RIMS2: variants seen among roughly 807,000 people sequenced by gnomAD.
The protein encoded by RIMS2 is regulating synaptic membrane exocytosis protein 2.
A neutral mutation model predicts 174.4 loss-of-function variants in RIMS2; 59 were observed. The observed-to-expected ratio is 0.34, with a 90% CI of 0.27 to 0.42. The LOEUF (loss-of-function observed/expected upper bound fraction) is 0.42, where lower values mean the gene tolerates loss of function less well. RIMS2 is among the 10% of genes least tolerant of loss of function. The pLI, the probability that RIMS2 is intolerant of heterozygous loss-of-function variation, is 1.00. For synonymous variants in RIMS2, 606 were observed against 572.5 expected, an observed-to-expected ratio of 1.06 and a Z score of -0.84; for missense variants, 1,620 against 1,666.3, an observed-to-expected ratio of 0.97 and a Z score of 0.48.
chr8:103,836,406 A>G (rs2098891231), intron 3 of RIMS2, among the ~76,000 whole-genome samples: 1 of 151,848 alleles, frequency 6.6e-6, no homozygotes, highest in African/African-American at 2.4e-5. Flanking sequence ...GGAAAGAAAG[A>G]AAAAAAATAG....
At chr8:103,803,378 G>A (rs1334464070) in intron 3 of RIMS2, among the ~76,000 whole-genome samples, 1 of 151,532 alleles carries the variant, frequency 6.6e-6, no homozygotes, top group African/African-American at 2.4e-5. Context: ...TTGGTCTTGG[G>A]GCCTCTTTAC....
intron 1 of RIMS2, among the ~76,000 whole-genome samples, chr8:103,545,862 A>G (rs1394507019): frequency 6.6e-6 from 1 of 152,214 alleles, no homozygotes; most frequent in African/African-American, 2.4e-5. Flanking sequence ...GACCTGCCTT[A>G]CCTACCTACC....
intron 1 of RIMS2, among the ~76,000 whole-genome samples, chr8:103,675,632 C>A (rs2096799262): frequency 6.6e-6 from 1 of 152,278 alleles, no homozygotes; most frequent in East Asian, 1.9e-4. Context: ...ACAGAGATAG[C>A]ATAAGCCTAT....
intron 19 of RIMS2, among the ~76,000 whole-genome samples, chr8:104,175,544 A>C (rs1164749683): frequency 6.6e-6 from 1 of 152,140 alleles, no homozygotes; most frequent in Admixed American, 6.5e-5. Context: ...AATCTTATTC[A>C]TTCTGTTTTT....
At chr8:103,647,910 T>A (rs986105237) in intron 1 of RIMS2, among the ~76,000 whole-genome samples, 12 of 150,154 alleles carry the variant, frequency 8.0e-5, no homozygotes, top group East Asian at 1.9e-4. Flanking sequence ...TTTTTTTTTT[T>A]AATTTTTGTA....
intron 3 of RIMS2, among the ~76,000 whole-genome samples, chr8:103,878,304 G>A (rs772311890): frequency 3.9e-5 from 6 of 151,922 alleles, no homozygotes; most frequent in Middle Eastern, 3.4e-3. Context: ...ATAGCAGTGT[G>A]AGAACAGACT....
In RIMS2 at chr8:103,844,007, T is replaced by A. The variant is rs528746391; in HGVS notation, c.699-41291T>A. Among the ~76,000 whole-genome samples the A allele has an allele frequency of 1.4e-4, 21 of 152,250 alleles. 1 individual carries two copies. In the South Asian group the frequency reaches 4.2e-3, roughly 30 times the overall value. ...ATGATAGCAAATAAGTCTCACGAGA[T>A]CTGGTGATTTTAAAAAGGGGAGTTT... On this transcript the variant is annotated intron_variant, in intron 3 of 23. Coordinates refer to ENST00000504942, the Ensembl canonical transcript of RIMS2.
At chr8:104,049,067 C>T (rs958584413) in intron 19 of RIMS2, among the ~76,000 whole-genome samples, 6 of 150,924 alleles carry the variant, frequency 4.0e-5, no homozygotes, top group Non-Finnish European at 7.4e-5. Context: ...ATAGCTTGGA[C>T]ACTTCATGTG....
At chr8:103,966,943 T>G (rs1358818575) in intron 15 of RIMS2, among the ~76,000 whole-genome samples, 2 of 151,992 alleles carry the variant, frequency 1.3e-5, no homozygotes, top group African/African-American at 4.8e-5. Context: ...TTATTTTCAT[T>G]GTGGACTCAG....
At chr8:103,584,883 A>G (rs764855188) in intron 1 of RIMS2, among the ~76,000 whole-genome samples, 6 of 151,098 alleles carry the variant, frequency 4.0e-5, no homozygotes, top group Non-Finnish European at 7.4e-5. Flanking sequence ...GCCCTTACTT[A>G]TCAGTAATAA....
chr8:103,961,975 G>A (rs971105925), intron 15 of RIMS2, among the ~76,000 whole-genome samples: 2 of 152,064 alleles, frequency 1.3e-5, no homozygotes, highest in South Asian at 2.1e-4. Flanking sequence ...TACTCTTCAT[G>A]TATTGTGGTT....
At chr8:103,779,992 G>A (rs1287150163) in intron 3 of RIMS2, among the ~76,000 whole-genome samples, 2 of 151,956 alleles carry the variant, frequency 1.3e-5, no homozygotes, top group Non-Finnish European at 2.9e-5. Flanking sequence ...CTATGTGTCT[G>A]TTTTTATGCC....
intron 3 of RIMS2, among the ~76,000 whole-genome samples, chr8:103,824,165 A>G (rs1195054904): frequency 6.6e-6 from 1 of 152,118 alleles, no homozygotes; most frequent in Non-Finnish European, 1.5e-5. Context: ...ACAGTCTTTA[A>G]GCATTTTCTT....
chr8:103,633,159 CG>C (rs370864267), intron 1 of RIMS2, among the ~76,000 whole-genome samples: 136 of 150,070 alleles, frequency 9.1e-4, no homozygotes, highest in African/African-American at 3.2e-3. Flanking sequence ...CCTGAGTAGC[CG>C]GGACTACAGG....
At chr8:103,526,510 T>C (rs1360831217) in intron 1 of RIMS2, among the ~76,000 whole-genome samples, 1 of 152,128 alleles carries the variant, frequency 6.6e-6, no homozygotes, top group Non-Finnish European at 1.5e-5. Flanking sequence ...CAACAGGGGA[T>C]TCAAATAATG....
intron 4 of RIMS2, among the ~76,000 whole-genome samples, chr8:103,887,138 G>A (rs575958828): frequency 6.6e-6 from 1 of 151,676 alleles, no homozygotes; most frequent in South Asian, 2.1e-4. Context: ...TGCTCTCTTT[G>A]TCATTTTAAT....
At chr8:104,052,300 G>A (rs903900299) in intron 19 of RIMS2, among the ~76,000 whole-genome samples, 16 of 152,114 alleles carry the variant, frequency 1.1e-4, no homozygotes, top group African/African-American at 3.6e-4. Context: ...AAATTAAAAT[G>A]GATTTTATAT....
intron 3 of RIMS2, among the ~76,000 whole-genome samples, chr8:103,875,083 T>G (rs2099129534): frequency 6.6e-6 from 1 of 151,986 alleles, no homozygotes; most frequent in South Asian, 2.1e-4. Flanking sequence ...GAAGAGAGAT[T>G]TACTTCAAGA....
intron 19 of RIMS2, among the ~76,000 whole-genome samples, chr8:104,099,769 T>C (rs1482936173): frequency 6.6e-6 from 1 of 152,142 alleles, no homozygotes; most frequent in African/African-American, 2.4e-5. Context: ...TTATTTTTTC[T>C]TTATTTTTCT....
Sources: gnomAD v4.1 joint callset for allele counts (sites outside exome capture counted in the v4.1 genomes callset) on GRCh38, gnomAD v4.1.1 for gene constraint, MANE v1.5 for transcripts, NCBI Gene and HGNC (gene_info 2026-07-23, HGNC 2026-07-21) for gene names.